The following ULK2 variants were observed in gnomAD, a reference collection of about 807,000 sequenced individuals.
ULK2 encodes serine/threonine-protein kinase ULK2.
A neutral mutation model predicts 127.5 loss-of-function variants in ULK2; 76 were observed. The observed-to-expected ratio is 0.60, with a 90% confidence interval of 0.50 to 0.72. The LOEUF (loss-of-function observed/expected upper bound fraction) is 0.72. Among genes scored for constraint, ULK2 ranks in the 30% least tolerant of loss-of-function variants. The pLI, the probability that ULK2 is intolerant of heterozygous loss-of-function variation, is 0.00. For missense variants in ULK2, 1,144 were observed against 1,295.9 expected (o/e 0.88, Z 1.80); for synonymous variants, 452 against 461.9 (o/e 0.98, Z 0.28).
chr17:19,797,800 G>A (rs2087307307), intron 17 of ULK2, 118 bp from the exon 18 acceptor site: 2 of 1,031,966 alleles, frequency 1.9e-6, no homozygotes, highest in East Asian at 6.2e-5. Context: ...TTTTTCATAA[G>A]ACATTCTAAA....
At chr17:19,821,771 C>T (rs2041152181) in intron 12 of ULK2, among the ~76,000 whole-genome samples, 1 of 152,100 alleles carries the variant, frequency 6.6e-6, no homozygotes, top group Non-Finnish European at 1.5e-5. Context: ...GAGACAGGGT[C>T]TCTCTGTATC....
chr17:19,818,797 C>CTTTTTTTTTTTT (rs71157835), intron 12 of ULK2, among the ~76,000 whole-genome samples: 54 of 77,716 alleles, frequency 6.9e-4, no homozygotes, highest in East Asian at 1.9e-3. Context: ...TTTCTTTTTT[C>CTTTTTTTTTTTT]TTTTTTTTTT....
In ULK2 at chr17:19,777,528, G is replaced by C. The variant is rs2086834152; in HGVS notation, c.3052+53C>G. ...TCCAAGCTCTTTGTACTATGCTTGTGATAGACAACTAAAATGAAGTAAAAA... is the reference window on the plus strand; with the variant it reads ...TCCAAGCTCTTTGTACTATGCTTGTCATAGACAACTAAAATGAAGTAAAAA... On this transcript the variant is annotated intron_variant, in intron 26 of 26. Coordinates refer to ENST00000395544, the MANE Select transcript of ULK2 (RefSeq NM_014683.4). 2.6e-6 allele frequency: 4 copies of C among 1,552,100 alleles called. No individual in the cohort carries two copies. The South Asian group carries it at 5.0e-5, about 19-fold the overall frequency.
Position 19,819,857 on chromosome 17 carries a change from C to T in ULK2, c.925-2937G>A, listed in dbSNP as rs139829946. ...GGCTTCGTTCTCAAAACAGTAATGA[C>T]GACAACAACAATGATGATAAAATAA... is the stretch of plus-strand genomic sequence containing the variant. On this transcript the variant is annotated intron_variant, in intron 12 of 26. Coordinates refer to ENST00000395544, the MANE Select transcript of ULK2 (RefSeq NM_014683.4). 1.5e-3 allele frequency among the ~76,000 whole-genome samples: 230 copies of T among 152,148 alleles called. 4 individuals are homozygous for T. Among genetic ancestry groups the T allele is most frequent in the East Asian group, 9.7e-3 (50 of 5,166 alleles).
In ULK2 at chr17:19,776,180, A is replaced by G; in HGVS notation, c.*169T>C. On this transcript the variant is annotated 3_prime_UTR_variant, in exon 27 of 27. Coordinates refer to ENST00000395544, the MANE Select transcript of ULK2 (RefSeq NM_014683.4). ...TCTCCAATAAGGCAGATTTCCTACAAATATGTAGTTTTTGGATTGTTTTTC... is the reference window on the plus strand; with the variant it reads ...TCTCCAATAAGGCAGATTTCCTACAGATATGTAGTTTTTGGATTGTTTTTC... 1.7e-6 allele frequency: 1 copy of G among 577,146 alleles called. No individual in the cohort carries two copies. The highest frequency in any genetic ancestry group is 3.0e-6 in the Non-Finnish European group (1 of 338,434). 35.8% of individuals were successfully genotyped at this position (577,146 alleles called of 1,614,324 possible). A position where few individuals can be genotyped will look rare whatever the true frequency, so the allele number is the denominator to read the frequency against.
At chr17:19,795,442 A>G (rs1347023478) in intron 20 of ULK2, among the ~76,000 whole-genome samples, 180 bp downstream of exon 20, 1 of 150,834 alleles carries the variant, frequency 6.6e-6, no homozygotes, top group African/African-American at 2.4e-5. Context: ...ATAAGGTCCT[A>G]TTCTGAATGG....
intron 14 of ULK2, among the ~76,000 whole-genome samples, chr17:19,806,181 A>C (rs954724860): frequency 3.3e-5 from 5 of 152,226 alleles, no homozygotes; most frequent in African/African-American, 1.2e-4. Flanking sequence ...CTGACAACCC[A>C]AGTTCCTTAA....
intron 13 of ULK2, 89 bp from the exon 14 acceptor site, chr17:19,810,527 T>G: frequency 1.3e-6 from 1 of 744,068 alleles, no homozygotes; most frequent in Non-Finnish European, 2.2e-6. Flanking sequence ...TAGGATTTCA[T>G]GCACGATGCA....
intron 10 of ULK2, among the ~76,000 whole-genome samples, chr17:19,834,907 T>G (rs1319842688): frequency 6.8e-6 from 1 of 147,258 alleles, no homozygotes; most frequent in Non-Finnish European, 1.5e-5. Flanking sequence ...AGACTCTGTC[T>G]CAGAAAAAAA....
chr17:19,780,728 C>A, intron 24 of ULK2, 99 bp from the exon 25 acceptor site: 1 of 1,292,890 alleles, frequency 7.7e-7, no homozygotes, highest in Non-Finnish European at 1.0e-6. Flanking sequence ...GAAGGTGTCA[C>A]TATGTGATCA....
chr17:19,789,992 T>C (rs958862622), intron 20 of ULK2, among the ~76,000 whole-genome samples: 4 of 148,736 alleles, frequency 2.7e-5, no homozygotes, highest in African/African-American at 7.4e-5. Context: ...AAATAATAAC[T>C]ACAACTTTTC....
intron 13 of ULK2, among the ~76,000 whole-genome samples, chr17:19,814,429 T>TAC (rs2040920710): frequency 6.0e-5 from 1 of 16,714 alleles, no homozygotes; most frequent in Admixed American, 7.6e-4. Flanking sequence ...TATATATATA[T>TAC]ATATATATAT....
chr17:19,829,541 A>AC (rs2041379421), intron 10 of ULK2, among the ~76,000 whole-genome samples: 1 of 42,942 alleles, frequency 2.3e-5, no homozygotes, highest in South Asian at 1.5e-3. Context: ...TGTCAAGGAA[A>AC]AAAAAAAGGG....
chr17:19,857,469 G>A (rs1163342914), intron 3 of ULK2, among the ~76,000 whole-genome samples: 1 of 152,042 alleles, frequency 6.6e-6, no homozygotes, highest in Non-Finnish European at 1.5e-5. Context: ...ATATATTTAA[G>A]CTTTTAATTC....
chr17:19,837,829 T>C (rs951788990), intron 10 of ULK2, among the ~76,000 whole-genome samples: 3 of 152,214 alleles, frequency 2.0e-5, no homozygotes, highest in African/African-American at 7.2e-5. Flanking sequence ...TCCTGATTAG[T>C]CTCCCAGCTT....
intron 3 of ULK2, among the ~76,000 whole-genome samples, chr17:19,852,342 A>C (rs2042035649): frequency 6.6e-6 from 1 of 150,802 alleles, no homozygotes; most frequent in Non-Finnish European, 1.5e-5. Context: ...TAACGCGGTG[A>C]AACCCCATCT....
intron 10 of ULK2, among the ~76,000 whole-genome samples, chr17:19,833,392 C>T (rs1033316608): frequency 9.3e-5 from 14 of 150,564 alleles, no homozygotes; most frequent in Non-Finnish European, 1.5e-4. Flanking sequence ...GACAGAGTCT[C>T]GCTCTGTCGC....
Position 19,838,779 on chromosome 17 carries a change from G to C in ULK2, c.705-196C>G, listed in dbSNP as rs112922581. ...GCTGTGGTTCACGCCTGTAATCCCA[G>C]CACTTTGGGAGGCCGAGACAGGTGG... is the stretch of plus-strand genomic sequence containing the variant. On this transcript the variant is annotated intron_variant, in intron 9 of 26. Coordinates refer to ENST00000395544, the MANE Select transcript of ULK2 (RefSeq NM_014683.4). Among the ~76,000 whole-genome samples, 212 of 152,222 alleles carry C rather than the reference G, an allele frequency of 1.4e-3. 1 individual carries two copies. The highest frequency in any genetic ancestry group is 5.0e-3 in the African/African-American group (207 of 41,550).
intron 12 of ULK2, among the ~76,000 whole-genome samples, chr17:19,822,905 C>A (rs758797057): frequency 5.3e-5 from 8 of 151,698 alleles, no homozygotes; most frequent in Non-Finnish European, 8.8e-5. Context: ...CCAGGACGGT[C>A]TTGATATCCC....
Sources: gnomAD v4.1 joint callset for allele counts (sites outside exome capture counted in the v4.1 genomes callset) on GRCh38, gnomAD v4.1.1 for gene constraint, MANE v1.5 for transcripts, NCBI Gene and HGNC (gene_info 2026-07-23, HGNC 2026-07-21) for gene names.